Variants in MARCHF1 observed in about 807,000 individuals in gnomAD.
MARCHF1 encodes the protein membrane associated ring-CH-type finger 1.
In MARCHF1, 40 loss-of-function variants were observed where a neutral mutation model predicts 54.2. The observed-to-expected ratio is 0.74, with a 90% CI of 0.57 to 0.96. The LOEUF is 0.96. Among genes scored for constraint, MARCHF1 ranks in the 40% least tolerant of loss-of-function variants. MARCHF1 has a pLI of 0.00. For missense variants in MARCHF1, 586 were observed against 656.5 expected (o/e 0.89, Z 1.17); for synonymous variants, 236 against 236.3 (o/e 1.00, Z 0.01).
At chr4:164,266,604 A>C (rs990602068) in intron 1 of MARCHF1, among the ~76,000 whole-genome samples, 3 of 152,176 alleles carry the variant, frequency 2.0e-5, no homozygotes, top group African/African-American at 7.2e-5. Context: ...TTTCAGGTTC[A>C]CTTTTCTAAA....
At chr4:163,938,533 A>G (rs1193880369) in intron 3 of MARCHF1, among the ~76,000 whole-genome samples, 1 of 152,160 alleles carries the variant, frequency 6.6e-6, no homozygotes, top group Non-Finnish European at 1.5e-5. Context: ...CTCTGCCACA[A>G]TGGCCACATT....
intron 5 of MARCHF1, among the ~76,000 whole-genome samples, chr4:163,618,208 C>T (rs1372391171): frequency 1.3e-5 from 2 of 152,184 alleles, no homozygotes; most frequent in Non-Finnish European, 1.5e-5. Flanking sequence ...CCTGAATCCT[C>T]GGCCCTCTTC....
intron 3 of MARCHF1, among the ~76,000 whole-genome samples, chr4:163,897,743 G>A (rs1750842507): frequency 6.6e-6 from 1 of 152,078 alleles, no homozygotes; most frequent in African/African-American, 2.4e-5. Flanking sequence ...AGATTTAAAT[G>A]TAAGATGTGG....
At chr4:163,827,410 A>ATG (rs1748884795) in intron 4 of MARCHF1, among the ~76,000 whole-genome samples, 2 of 152,306 alleles carry the variant, frequency 1.3e-5, no homozygotes, top group East Asian at 3.9e-4. Context: ...TGAAAATAAA[A>ATG]TCTTAGGTCA....
chr4:163,562,064 A>G (rs1043783773), intron 8 of MARCHF1, among the ~76,000 whole-genome samples: 2 of 152,114 alleles, frequency 1.3e-5, no homozygotes, highest in Non-Finnish European at 2.9e-5. Flanking sequence ...TGGGAGGCCG[A>G]GGTGGGCAGA....
intron 4 of MARCHF1, among the ~76,000 whole-genome samples, chr4:163,775,420 C>T (rs1358461614): frequency 1.3e-5 from 2 of 152,076 alleles, no homozygotes; most frequent in Admixed American, 6.6e-5. Context: ...TGCTTGGTAC[C>T]ATGTCCCCTA....
At chr4:163,715,791 C>G (rs934204827) in intron 4 of MARCHF1, among the ~76,000 whole-genome samples, 1 of 152,104 alleles carries the variant, frequency 6.6e-6, no homozygotes, top group African/African-American at 2.4e-5. Context: ...CTGCTCCAAT[C>G]TCAAAAACAT....
intron 1 of MARCHF1, among the ~76,000 whole-genome samples, chr4:164,247,616 A>T (rs1004949621): frequency 1.5e-5 from 1 of 65,698 alleles, no homozygotes; most frequent in Non-Finnish European, 4.0e-5. Context: ...ATAATAAAAA[A>T]AAAAAAGTTA....
At chr4:164,000,938 G>C (rs918781536) in intron 2 of MARCHF1, among the ~76,000 whole-genome samples, 2 of 151,618 alleles carry the variant, frequency 1.3e-5, no homozygotes, top group Non-Finnish European at 1.5e-5. Flanking sequence ...GTTATGTTTA[G>C]TTAGTCATTA....
chr4:164,206,374 T>C (rs927464470), intron 1 of MARCHF1, among the ~76,000 whole-genome samples: 1 of 152,108 alleles, frequency 6.6e-6, no homozygotes. Flanking sequence ...GAGGTGGAGG[T>C]TGCAGTGAGC....
At chr4:164,289,585 GAA>G (rs71600697) in intron 1 of MARCHF1, among the ~76,000 whole-genome samples, 75,354 of 130,884 alleles carry the variant, frequency 0.58, 22,107 homozygotes, top group Non-Finnish European at 0.68. Context: ...TACTTAGATG[GAA>G]AAAAAAAAAA....
At chr4:163,924,303 C>T (rs1449726388) in intron 3 of MARCHF1, among the ~76,000 whole-genome samples, 1 of 151,952 alleles carries the variant, frequency 6.6e-6, no homozygotes, top group Admixed American at 6.6e-5. Flanking sequence ...GCTGGCTGGA[C>T]TTTTGACATG....
At chr4:163,631,036 G>A (rs1000990748) in intron 5 of MARCHF1, among the ~76,000 whole-genome samples, 31 of 152,164 alleles carry the variant, frequency 2.0e-4, no homozygotes, top group Admixed American at 2.0e-3. Flanking sequence ...CACTACAGGA[G>A]TGATTCCCAG....
Position 163,570,190 on chromosome 4 carries a change from A to G in MARCHF1, c.1191+15559T>C, listed in dbSNP as rs115442299. Among the ~76,000 whole-genome samples, 466 of 152,216 alleles carry G rather than the reference A, an allele frequency of 3.1e-3. 4 individuals are homozygous for G. Among genetic ancestry groups the G allele is most frequent in the African/African-American group, 8.4e-3 (348 of 41,540 alleles). ...CCCACAATCATCTAGTGCCTGAGAA[A>G]TAGTGAGAAATAGTCAGCTCTTTAA... On this transcript the variant is annotated intron_variant, in intron 8 of 9. Transcript: ENST00000514618.
intron 3 of MARCHF1, among the ~76,000 whole-genome samples, chr4:163,909,292 C>T (rs1370977306): frequency 2.0e-5 from 3 of 152,140 alleles, no homozygotes; most frequent in Admixed American, 2.0e-4. Context: ...ATAATATACT[C>T]TTGTAGCACT....
At chr4:163,683,639 T>C (rs1177320758) in intron 5 of MARCHF1, among the ~76,000 whole-genome samples, 1 of 152,212 alleles carries the variant, frequency 6.6e-6, no homozygotes, top group Non-Finnish European at 1.5e-5. Flanking sequence ...TTCTGTTAAC[T>C]TAAATAGTCC....
chr4:163,686,986 T>C (rs1045653531), intron 5 of MARCHF1, among the ~76,000 whole-genome samples: 6 of 152,228 alleles, frequency 3.9e-5, no homozygotes, highest in African/African-American at 1.4e-4. Context: ...TTGCAGTGCA[T>C]AGATTAATGA....
At chr4:164,095,673 A>G (rs1579528524) in intron 2 of MARCHF1, among the ~76,000 whole-genome samples, 2 of 152,142 alleles carry the variant, frequency 1.3e-5, no homozygotes, top group African/African-American at 2.4e-5. Context: ...TTTCATCCCT[A>G]TCTCTGAAAT....
At chr4:163,648,655 G>GAA (rs568907090) in intron 5 of MARCHF1, among the ~76,000 whole-genome samples, 3 of 129,628 alleles carry the variant, frequency 2.3e-5, no homozygotes, top group African/African-American at 5.7e-5. Flanking sequence ...AATGTTGTTG[G>GAA]AAAAAAAAAA....
Sources: allele counts gnomAD v4.1 joint callset (sites outside exome capture counted in the v4.1 genomes callset), GRCh38; gene constraint gnomAD v4.1.1; transcripts MANE v1.5; gene names NCBI Gene and HGNC (gene_info 2026-07-23, HGNC 2026-07-21).